Variants in LOC128462377 observed in about 807,000 individuals in gnomAD.
the LOC128462377 span, among the ~76,000 whole-genome samples, chr16:89,328,599 C>A: frequency 6.7e-6 from 1 of 150,092 alleles, no homozygotes; most frequent in East Asian, 2.0e-4. Context: ...ACGGGTGAAT[C>A]TGCAGAGGCC....
chr16:89,343,047 T>C, the LOC128462377 span, among the ~76,000 whole-genome samples: 9 of 152,334 alleles, frequency 5.9e-5, no homozygotes, highest in Admixed American at 3.9e-4. Flanking sequence ...TGAGACGCAG[T>C]CTTGCTGTTG....
At chr16:89,372,769 T>A in the LOC128462377 span, 1 of 152,108 alleles carries the variant, frequency 6.6e-6, no homozygotes. Context: ...ACTGAAGATA[T>A]TCCCCACGCA....
chr16:89,379,482 G>C, the LOC128462377 span, among the ~76,000 whole-genome samples: 8 of 152,224 alleles, frequency 5.3e-5, no homozygotes, highest in Non-Finnish European at 1.0e-4. Context: ...CTTTCCAGGA[G>C]TCCAACTTGA....
the LOC128462377 span, among the ~76,000 whole-genome samples, chr16:89,327,997 C>T: frequency 2.0e-5 from 3 of 152,300 alleles, no homozygotes; most frequent in Admixed American, 6.5e-5. Flanking sequence ...AGATAGCAGG[C>T]TTGTATGTAG....
chr16:89,332,927 C>T, the LOC128462377 span, among the ~76,000 whole-genome samples: 5 of 152,344 alleles, frequency 3.3e-5, no homozygotes, highest in East Asian at 9.6e-4. Context: ...AACGTAGTTA[C>T]AAACTCAAGA....
the LOC128462377 span, among the ~76,000 whole-genome samples, chr16:89,336,762 C>T: frequency 6.6e-6 from 1 of 152,128 alleles, no homozygotes; most frequent in Non-Finnish European, 1.5e-5. Context: ...GTTCTGACTA[C>T]ATGAGAGATG....
the LOC128462377 span, among the ~76,000 whole-genome samples, chr16:89,336,340 T>C: frequency 1.3e-5 from 2 of 152,182 alleles, no homozygotes; most frequent in Admixed American, 6.5e-5. Context: ...ACCTCCAAGA[T>C]TGTCGTCAGA....
At chr16:89,377,931 C>T in the LOC128462377 span, among the ~76,000 whole-genome samples, 54 of 152,256 alleles carry the variant, frequency 3.5e-4, no homozygotes, top group African/African-American at 1.2e-3. Context: ...GGATGAAGAC[C>T]TTCATGATGA....
chr16:89,381,331 CAAAAAAAAAAAA>C, the LOC128462377 span, among the ~76,000 whole-genome samples: 3 of 76,354 alleles, frequency 3.9e-5, no homozygotes, highest in Non-Finnish European at 7.0e-5. Flanking sequence ...GACTCTGCTG[CAAAAAAAAAAAA>C]AAAAAAAAAA....
chr16:89,384,317 G>C, the LOC128462377 span, among the ~76,000 whole-genome samples: 2 of 152,174 alleles, frequency 1.3e-5, no homozygotes, highest in Non-Finnish European at 2.9e-5. Flanking sequence ...GATCACCTGA[G>C]GTCAGGAGTT....
At chr16:89,328,976 G>A in the LOC128462377 span, 1 of 145,434 alleles carries the variant, frequency 6.9e-6, no homozygotes, top group Admixed American at 6.9e-5. Context: ...GGAGGCCCCT[G>A]CTGAGTGAGT....
chr16:89,348,021 C>T, the LOC128462377 span, among the ~76,000 whole-genome samples: 4 of 151,994 alleles, frequency 2.6e-5, no homozygotes, highest in Non-Finnish European at 5.9e-5. Flanking sequence ...GCAGCCTCTA[C>T]CTCCTGGGCT....
the LOC128462377 span, among the ~76,000 whole-genome samples, chr16:89,385,592 C>T: frequency 1.3e-5 from 2 of 152,184 alleles, no homozygotes. Flanking sequence ...AGCAAGAAGA[C>T]AGTCACCATA....
chr16:89,367,266 C>T, the LOC128462377 span, among the ~76,000 whole-genome samples: 1 of 152,240 alleles, frequency 6.6e-6, no homozygotes, highest in Non-Finnish European at 1.5e-5. Flanking sequence ...GGGTAGAGCG[C>T]CGCTCCAGAC....
chr16:89,382,145 CAG>C, the LOC128462377 span, among the ~76,000 whole-genome samples: 4 of 152,080 alleles, frequency 2.6e-5, no homozygotes, highest in African/African-American at 9.7e-5. Flanking sequence ...ACCCAGGGGA[CAG>C]AGAGTCTGCT....
chr16:89,367,260 A>G, the LOC128462377 span, among the ~76,000 whole-genome samples: 1 of 152,306 alleles, frequency 6.6e-6, no homozygotes, highest in African/African-American at 2.4e-5. Context: ...AGGGGTGGGT[A>G]GAGCGCCGCT....
the LOC128462377 span, among the ~76,000 whole-genome samples, chr16:89,357,689 T>C: frequency 6.6e-6 from 1 of 152,282 alleles, no homozygotes; most frequent in Non-Finnish European, 1.5e-5. Flanking sequence ...TAACGAGGAA[T>C]GCCTGTCACA....
the LOC128462377 span, chr16:89,392,349 T>A: frequency 6.6e-6 from 1 of 152,426 alleles, no homozygotes; most frequent in Non-Finnish European, 1.5e-5. Flanking sequence ...GGCCCATTCC[T>A]GAAGGATCAC....
chr16:89,374,848 T>G, the LOC128462377 span, among the ~76,000 whole-genome samples: 198 of 152,274 alleles, frequency 1.3e-3, no homozygotes, highest in African/African-American at 4.5e-3. Context: ...TCGATTTGTT[T>G]TCAACAAATA....
Sources: gnomAD v4.1 joint callset for allele counts (sites outside exome capture counted in the v4.1 genomes callset) on GRCh38, gnomAD v4.1.1 for gene constraint, MANE v1.5 for transcripts.